Variants in ZNF749 observed in about 807,000 individuals in gnomAD.
ZNF749 encodes zinc finger protein 749.
A neutral mutation model predicts 7.3 loss-of-function variants in ZNF749; 8 were observed. That is an observed-to-expected ratio of 1.10 (90% confidence interval 0.64 to 1.98). ZNF749 has a LOEUF of 1.98. Ranked by LOEUF, ZNF749 falls within the 30% of genes most tolerant of loss-of-function variation. The pLI is 0.00. For synonymous variants in ZNF749, 310 were observed against 322.4 expected (o/e 0.96, Z 0.41); for missense variants, 898 against 932.4 (o/e 0.96, Z 0.48).
the ZNF749 span, among the ~76,000 whole-genome samples, chr19:57,428,840 A>C: frequency 6.6e-6 from 1 of 152,092 alleles, no homozygotes; most frequent in African/African-American, 2.4e-5. Context: ...GTATTTGACT[A>C]CTTGAGGTAG....
rs1317148083 is a variant in ZNF749, at chr19:57,442,341, T to C, written c.142+330T>C. ...TGTGTGAAACCTCTGTCCAAGGGTT[T>C]CCCTGTTCCCCTTGCTGACATACTT... On this transcript the variant is annotated intron_variant, in intron 2 of 2. Coordinates refer to ENST00000334181, the MANE Select transcript of ZNF749 (RefSeq NM_001023561.4). The surrounding 1 kb of genome is among the most constrained non-coding windows in gnomAD (Gnocchi z 6.6). Among the ~76,000 whole-genome samples the C allele has an allele frequency of 6.6e-6, 1 of 152,200 alleles. No homozygotes were observed.
At chr19:57,430,192 T>G in the ZNF749 span, among the ~76,000 whole-genome samples, 2 of 152,324 alleles carry the variant, frequency 1.3e-5, no homozygotes, top group East Asian at 3.9e-4. Flanking sequence ...GAGACATTTA[T>G]TGGCTCGTAG....
chr19:57,445,238 A>G lies in ZNF749; in HGVS notation c.2090A>G (p.Glu697Gly). ...GTTTGCACTGGGGAGAAGCCTCATG[A>G]GTGCAGTAAATGTAGGGAATTGTTT... ...HKVCTGEKPH[E>G]CSKCRELFRT... is the part of the protein sequence containing the mutation. Residue 697 changes from glutamate (E) to glycine (G), a missense_variant, in exon 3 of 3, where the codon GAG becomes GGG. By Grantham distance (98) the Glu-to-Gly change is moderately conservative. Coordinates refer to ENST00000334181, the MANE Select transcript of ZNF749 (RefSeq NM_001023561.4). 1.2e-6 allele frequency: 2 copies of G among 1,614,048 alleles called. No homozygotes were observed. Among genetic ancestry groups the G allele is most frequent in the Non-Finnish European group, 1.7e-6 (2 of 1,179,908 alleles).
rs375313928 is a variant in ZNF749, at chr19:57,441,993, G to A, written c.124G>A (p.Ala42Thr). The stretch of plus-strand genomic sequence containing the variant: ...CAGCAATGTGATGTTGGAGAACTTT[G>A]CGCTTTTGTCATCAGTAGGTAAGGC... ...LHSNVMLENFALLSSVGCWHG... is the reference protein window; with the variant it reads ...LHSNVMLENFTLLSSVGCWHG... Residue 42 changes from alanine to threonine, a missense_variant, in exon 2 of 3, where the codon GCG (alanine) becomes ACG (threonine). Transcript: ENST00000334181. 2.8e-5 allele frequency: 45 copies of A among 1,613,942 alleles called. No homozygotes were observed. The highest frequency in any genetic ancestry group is 3.6e-5 in the Non-Finnish European group (43 of 1,180,016).
At chr19:57,428,838 C>G in the ZNF749 span, among the ~76,000 whole-genome samples, 2 of 152,146 alleles carry the variant, frequency 1.3e-5, no homozygotes, top group Non-Finnish European at 1.5e-5. Flanking sequence ...ATGTATTTGA[C>G]TACTTGAGGT....
chr19:57,443,170 T>C (rs1387434194), intron 2 of ZNF749, 121 bp from the exon 3 acceptor site: 12 of 835,192 alleles, frequency 1.4e-5, no homozygotes, highest in South Asian at 7.1e-5. Context: ...CTGGCCTTAT[T>C]TCCTTGCCTG....
At chr19:57,430,376 A>G (rs1406892570), upstream of ZNF749, among the ~76,000 whole-genome samples, 3 of 152,226 alleles carry the variant, frequency 2.0e-5, no homozygotes, top group Non-Finnish European at 2.9e-5. Flanking sequence ...TGGAGCCCTC[A>G]TGATCTGAAG....
chr19:57,441,211 G>T (rs1202090369), intron 1 of ZNF749, among the ~76,000 whole-genome samples: 2 of 151,928 alleles, frequency 1.3e-5, no homozygotes, highest in Non-Finnish European at 1.5e-5. Context: ...TGCTGTGCTG[G>T]ACTCAGCAAT....
rs549381421 is a variant in ZNF749, at chr19:57,445,775, A to C, written c.*290A>C. Among the ~76,000 whole-genome samples the C allele has an allele frequency of 6.6e-6, 1 of 152,222 alleles. No homozygotes were observed. The highest frequency in any genetic ancestry group is 1.5e-5 in the Non-Finnish European group (1 of 68,016). The stretch of plus-strand genomic sequence containing the variant: ...GAAGCCCCATCTCTACTAAAAATAC[A>C]AAAATTAGCTGGGCATGGTGGCAGG... On this transcript the variant is annotated 3_prime_UTR_variant, in exon 3 of 3. Transcript: ENST00000334181.
chr19:57,442,114 T>C lies in ZNF749; in HGVS notation c.142+103T>C, dbSNP rs1291861040. On this transcript the variant is annotated intron_variant, in intron 2 of 2. Coordinates refer to ENST00000334181, the MANE Select transcript of ZNF749 (RefSeq NM_001023561.4). The surrounding 1 kb of genome is among the most constrained non-coding windows in gnomAD (Gnocchi z 6.6). Reference sequence around the variant, plus strand: ...CCCACACCAGATTGTGAGTGCTACGTCCTGTCCTCTCCTGGTTTCCTGGCA... The same window carrying C: ...CCCACACCAGATTGTGAGTGCTACGCCCTGTCCTCTCCTGGTTTCCTGGCA... The C allele has an allele frequency of 3.5e-6, 5 of 1,436,672 alleles. No individual in the cohort carries two copies. Among genetic ancestry groups the C allele is most frequent in the Non-Finnish European group, 4.7e-6 (5 of 1,057,146 alleles). The allele number at this position is 1,436,672 out of a possible 1,614,324, so 89.0% of individuals were successfully genotyped here.
chr19:57,441,823 C>T, intron 1 of ZNF749, 62 bp from the exon 2 acceptor site: 1 of 1,593,118 alleles, frequency 6.3e-7, no homozygotes. Flanking sequence ...TAGATAAATA[C>T]AGATCTAAGG....
Position 57,445,419 on chromosome 19 carries a change from C to T in ZNF749, c.2271C>T (p.Ser757=). 1 of 1,613,934 alleles carries T rather than the reference C, an allele frequency of 6.2e-7. No individual in the cohort carries two copies. The highest frequency in any genetic ancestry group is 8.5e-7 in the Non-Finnish European group (1 of 1,179,864). ...GERSYECGES[S]KVFKYNSSLI... Reference sequence around the variant, plus strand: ...GGTCTTATGAGTGTGGTGAATCCAGCAAAGTGTTTAAATACAACTCCAGCC... The same window carrying T: ...GGTCTTATGAGTGTGGTGAATCCAGTAAAGTGTTTAAATACAACTCCAGCC... Residue 757 remains serine, a synonymous_variant, in exon 3 of 3, where the codon AGC becomes AGT. Transcript: ENST00000334181.
the ZNF749 span, among the ~76,000 whole-genome samples, chr19:57,429,245 C>T: frequency 4.6e-5 from 7 of 152,186 alleles, no homozygotes; most frequent in South Asian, 2.1e-4. The surrounding 1 kb of genome is among the most constrained non-coding windows in gnomAD (Gnocchi z 4.2). Context: ...GGGCTGGTCT[C>T]GAACTCCTGA....
rs766990076 is a variant in ZNF749 at position 57,443,725 on chromosome 19, C to A, written c.577C>A (p.Gln193Lys). Residue 193 changes from glutamine to lysine, a missense_variant, in exon 3 of 3, where the codon CAG (glutamine) becomes AAG (lysine). Gln to Lys is a moderately conservative substitution (Grantham distance 53). Transcript: ENST00000334181. ...TQDGEAFQGEQNDFNSSQGGK... is the reference protein window; with the variant it reads ...TQDGEAFQGEKNDFNSSQGGK... ...GGATGGGGAAGCCTTTCAAGGTGAA[C>A]AGAATGATTTCAACTCCAGCCAAGG... The A allele has an allele frequency of 5.0e-6, 8 of 1,613,960 alleles. No homozygotes were observed. In the African/African-American group the frequency reaches 1.1e-4, roughly 22 times the overall value.
chr19:57,435,814 A>G, intron 1 of ZNF749: 1 of 954,402 alleles, frequency 1.0e-6, no homozygotes, highest in African/African-American at 1.7e-5. Flanking sequence ...GGCACTGGGG[A>G]GCCCGAGCGT....
chr19:57,435,530 G>A lies in ZNF749; in HGVS notation c.-49G>A. 6.3e-7 allele frequency: 1 copy of A among 1,582,640 alleles called. No individual in the cohort carries two copies. Among genetic ancestry groups the A allele is most frequent in the Non-Finnish European group, 8.6e-7 (1 of 1,166,676 alleles). On this transcript the variant is annotated 5_prime_UTR_variant, in exon 1 of 3. Coordinates refer to ENST00000334181, the MANE Select transcript of ZNF749 (RefSeq NM_001023561.4). ...TGCCTCCGTCAGCGTCCAGGTGACC[G>A]CCGTTCCCGCCCCGCTCTTCCCTGG... is the stretch of plus-strand genomic sequence containing the variant.
chr19:57,441,803 A>G (rs2088992480), intron 1 of ZNF749, 82 bp from the exon 2 acceptor site: 2 of 1,559,036 alleles, frequency 1.3e-6, no homozygotes, highest in African/African-American at 2.8e-5. Context: ...TCCAATTCTT[A>G]GATTTTAAGT....
At position 57,446,915 on chromosome 19, in the gene ZNF749, C is replaced by T. The variant is rs912544299; in HGVS notation, c.*1430C>T. 5.3e-5 allele frequency among the ~76,000 whole-genome samples: 8 copies of T among 152,052 alleles called. No individual in the cohort carries two copies. The highest frequency in any genetic ancestry group is 1.0e-4 in the Non-Finnish European group (7 of 68,002). The stretch of plus-strand genomic sequence containing the variant: ...AAAAATGTATGAAAAATGGTAAAAA[C>T]TTTATAGGGCACTAACATGAACGAA... On this transcript the variant is annotated 3_prime_UTR_variant, in exon 3 of 3. Transcript: ENST00000334181.
intron 1 of ZNF749, among the ~76,000 whole-genome samples, chr19:57,440,923 C>T (rs916830706): frequency 1.6e-4 from 24 of 151,844 alleles, no homozygotes; most frequent in Admixed American, 5.2e-4. Context: ...GTCAGGAGTT[C>T]GAGACCCGCC....
Sources: allele counts gnomAD v4.1 joint callset (sites outside exome capture counted in the v4.1 genomes callset), GRCh38; gene constraint gnomAD v4.1.1; non-coding constraint Gnocchi (gnomAD v3.1); transcripts MANE v1.5; gene names NCBI Gene and HGNC (gene_info 2026-07-23, HGNC 2026-07-21).